The following RNLS variants were observed in gnomAD, a reference collection of about 807,000 sequenced individuals.
RNLS encodes the protein renalase, FAD dependent amine oxidase.
Under a neutral mutation model 39.8 loss-of-function variants are expected in RNLS, and 39 were observed. That is an observed-to-expected ratio of 0.98 (90% confidence interval 0.76 to 1.28). The LOEUF (loss-of-function observed/expected upper bound fraction) is 1.28, where lower values mean the gene tolerates loss of function less well. RNLS is among the 50% of genes most tolerant of loss of function. RNLS has a pLI of 0.00. For missense variants in RNLS, 410 were observed against 413.3 expected (o/e 0.99, Z 0.07); for synonymous variants, 147 against 150.7 (o/e 0.98, Z 0.18).
the RNLS span, among the ~76,000 whole-genome samples, chr10:88,178,213 G>C: frequency 6.6e-6 from 1 of 152,186 alleles, no homozygotes; most frequent in East Asian, 1.9e-4. Context: ...CAGACCTTTG[G>C]ATGAATGTGG....
chr10:88,324,634 T>C (rs1265170228), intron 5 of RNLS, among the ~76,000 whole-genome samples: 1 of 152,118 alleles, frequency 6.6e-6, no homozygotes, highest in African/African-American at 2.4e-5. Context: ...ATTTGGGTAA[T>C]GGGTTTACTA....
the RNLS span, among the ~76,000 whole-genome samples, chr10:88,241,959 C>T: frequency 4.1e-4 from 62 of 152,204 alleles, 1 homozygote; most frequent in South Asian, 8.7e-3. Context: ...TGTTTTTGTG[C>T]CTTACCCATA....
the RNLS span, among the ~76,000 whole-genome samples, chr10:88,173,832 G>T: frequency 6.6e-6 from 1 of 152,148 alleles, no homozygotes; most frequent in Admixed American, 6.5e-5. Context: ...TGGGGGAACA[G>T]GTGGTATTTG....
At chr10:88,416,259 A>T (rs1404520405) in intron 4 of RNLS, among the ~76,000 whole-genome samples, 1 of 149,296 alleles carries the variant, frequency 6.7e-6, no homozygotes, top group Non-Finnish European at 1.5e-5. Flanking sequence ...TTTTATTTTT[A>T]TTTATTTATT....
At chr10:88,247,145 C>G in the RNLS span, among the ~76,000 whole-genome samples, 119 of 152,182 alleles carry the variant, frequency 7.8e-4, no homozygotes, top group Non-Finnish European at 1.5e-3. Flanking sequence ...AGAGATGAAG[C>G]TGGAGGAGGG....
At chr10:88,562,383 A>T (rs1021042926) in intron 4 of RNLS, among the ~76,000 whole-genome samples, 8 of 152,194 alleles carry the variant, frequency 5.3e-5, no homozygotes, top group Non-Finnish European at 1.2e-4. Flanking sequence ...TCAGATGTTT[A>T]TCTAAAATAA....
chr10:88,266,707 A>G, the RNLS span, among the ~76,000 whole-genome samples: 1 of 139,230 alleles, frequency 7.2e-6, no homozygotes, highest in Non-Finnish European at 1.6e-5. Flanking sequence ...ACACACACAC[A>G]CACACACACA....
chr10:88,367,470 G>A (rs1220264731), intron 4 of RNLS, among the ~76,000 whole-genome samples: 3 of 152,110 alleles, frequency 2.0e-5, no homozygotes, highest in Non-Finnish European at 4.4e-5. Context: ...CCATTCCACT[G>A]TTGATGAACA....
chr10:88,200,174 G>C, the RNLS span, among the ~76,000 whole-genome samples: 1 of 152,280 alleles, frequency 6.6e-6, no homozygotes, highest in African/African-American at 2.4e-5. Context: ...ACCCACAGAG[G>C]TGAGGGACTC....
the RNLS span, among the ~76,000 whole-genome samples, chr10:88,254,473 A>T: frequency 6.6e-6 from 1 of 152,208 alleles, no homozygotes; most frequent in East Asian, 1.9e-4. Flanking sequence ...ACCTAACAAG[A>T]GAAGAAGCTG....
intron 4 of RNLS, among the ~76,000 whole-genome samples, chr10:88,432,407 T>G (rs1004739742): frequency 2.0e-5 from 3 of 151,942 alleles, no homozygotes; most frequent in African/African-American, 7.2e-5. Flanking sequence ...TTTAAAAATC[T>G]AATCTAACAA....
chr10:88,377,010 A>ATTC (rs1262101018), intron 4 of RNLS, among the ~76,000 whole-genome samples: 2 of 151,228 alleles, frequency 1.3e-5, no homozygotes, highest in African/African-American at 4.9e-5. Context: ...ATTATAAATT[A>ATTC]TTCATTAAAC....
chr10:88,441,198 T>C (rs1344993914), intron 4 of RNLS, among the ~76,000 whole-genome samples: 1 of 152,196 alleles, frequency 6.6e-6, no homozygotes, highest in African/African-American at 2.4e-5. Flanking sequence ...TGGGAACCCA[T>C]GGCAATTTAT....
chr10:88,250,172 C>T, the RNLS span, among the ~76,000 whole-genome samples: 1 of 152,210 alleles, frequency 6.6e-6, no homozygotes, highest in African/African-American at 2.4e-5. Context: ...TTGTTTCTCT[C>T]CCTCAATAGA....
At chr10:88,436,327 G>T (rs540779482) in intron 4 of RNLS, among the ~76,000 whole-genome samples, 2 of 152,170 alleles carry the variant, frequency 1.3e-5, no homozygotes, top group East Asian at 3.9e-4. Flanking sequence ...AGACTCATCC[G>T]GCAGCCTCTT....
intron 4 of RNLS, among the ~76,000 whole-genome samples, chr10:88,498,504 G>A (rs1182315892): frequency 6.8e-6 from 1 of 147,790 alleles, no homozygotes; most frequent in African/African-American, 2.5e-5. Flanking sequence ...TGTTATAAAG[G>A]GCATTACTGA....
intron 4 of RNLS, among the ~76,000 whole-genome samples, chr10:88,527,117 C>T (rs893362371): frequency 2.6e-5 from 4 of 152,066 alleles, no homozygotes; most frequent in African/African-American, 7.2e-5. Context: ...TGTAGGTGTA[C>T]AAATCTGTGT....
At chr10:88,552,900 T>C (rs1424106185) in intron 4 of RNLS, among the ~76,000 whole-genome samples, 7 of 152,348 alleles carry the variant, frequency 4.6e-5, no homozygotes, top group Middle Eastern at 6.8e-3. Flanking sequence ...AAAGTCATGA[T>C]AAAAATCAAT....
At chr10:88,318,875 A>G (rs1460431454) in intron 5 of RNLS, among the ~76,000 whole-genome samples, 1 of 152,212 alleles carries the variant, frequency 6.6e-6, no homozygotes. Flanking sequence ...CAAAGACCTC[A>G]GCATGCTCCA....
Sources: allele counts gnomAD v4.1 joint callset (sites outside exome capture counted in the v4.1 genomes callset), GRCh38; gene constraint gnomAD v4.1.1; transcripts MANE v1.5; gene names NCBI Gene and HGNC (gene_info 2026-07-23, HGNC 2026-07-21).